The following GAS2 variants were observed in gnomAD, a reference collection of about 807,000 sequenced individuals.
The protein encoded by GAS2 is growth arrest specific 2, also known as growth arrest-specific protein 2.
In GAS2, 20 loss-of-function variants were observed where a neutral mutation model predicts 37.5. The observed-to-expected ratio is 0.53, with a 90% confidence interval of 0.37 to 0.77. The LOEUF is 0.77. Among genes scored for constraint, GAS2 ranks in the 30% least tolerant of loss-of-function variants. The pLI is 0.00. For synonymous variants in GAS2, 144 were observed against 132.2 expected (o/e 1.09, Z -0.61); for missense variants, 336 against 373.4 (o/e 0.90, Z 0.82).
intron 3 of GAS2, among the ~76,000 whole-genome samples, chr11:22,699,943 C>T (rs6483873): frequency 0.64 from 96,670 of 151,954 alleles, 34,345 homozygotes; most frequent in Non-Finnish European, 0.8. Context: ...ATGAAAGAAC[C>T]ATAGTGTCCC....
chr11:22,746,877 A>C (rs1444230290), intron 5 of GAS2, among the ~76,000 whole-genome samples: 4 of 152,172 alleles, frequency 2.6e-5, no homozygotes, highest in African/African-American at 9.7e-5. Flanking sequence ...TTAAAAAATA[A>C]AAAAATTAAG....
chr11:22,753,392 G>A (rs1254196862), intron 6 of GAS2, among the ~76,000 whole-genome samples: 1 of 152,102 alleles, frequency 6.6e-6, no homozygotes, highest in Admixed American at 6.6e-5. Flanking sequence ...TTTGAGAAGG[G>A]CAGGCCACTT....
intron 7 of GAS2, among the ~76,000 whole-genome samples, chr11:22,788,837 T>G (rs1339521777): frequency 6.6e-6 from 1 of 152,146 alleles, no homozygotes; most frequent in East Asian, 1.9e-4. Flanking sequence ...AAAATTCCAT[T>G]TTCTTCAACC....
chr11:22,777,844 C>A (rs919895088), intron 7 of GAS2, among the ~76,000 whole-genome samples: 1 of 152,118 alleles, frequency 6.6e-6, no homozygotes, highest in East Asian at 1.9e-4. Flanking sequence ...GAAGTTTAAG[C>A]CAATTAATCT....
rs141069259 is a variant in GAS2 at position 22,667,257 on chromosome 11, G to A, written c.-21+358G>A. On this transcript the variant is annotated intron_variant, in intron 1 of 7. Transcript: ENST00000454584. ...AGTGAGGATTTTTAATGAACACATCGATTATAAATGCACACATATGCATTC... is the reference window on the plus strand; with the variant it reads ...AGTGAGGATTTTTAATGAACACATCAATTATAAATGCACACATATGCATTC... 112 of 152,276 alleles carry A rather than the reference G, an allele frequency of 7.4e-4. 1 individual carries two copies. Among genetic ancestry groups the A allele is most frequent in the African/African-American group, 2.6e-3 (107 of 41,546 alleles). 9.4% of individuals were successfully genotyped at this position (152,276 alleles called of 1,614,324 possible).
chr11:22,776,398 C>T (rs559812311), intron 7 of GAS2, among the ~76,000 whole-genome samples: 1 of 152,112 alleles, frequency 6.6e-6, no homozygotes, highest in Non-Finnish European at 1.5e-5. Context: ...AGTTTGCTGA[C>T]CCCTGACATT....
intron 2 of GAS2, among the ~76,000 whole-genome samples, chr11:22,679,681 AT>A (rs1849586525): frequency 6.6e-6 from 1 of 152,088 alleles, no homozygotes; most frequent in African/African-American, 2.4e-5. Flanking sequence ...TTCAATTAAT[AT>A]TTGTCTAATG....
chr11:22,652,993 G>GTCTTTCTTCCTTTCTTTCTTTCTT (rs1848805900), intron 1 of GAS2, among the ~76,000 whole-genome samples: 1 of 97,036 alleles, frequency 1.0e-5, no homozygotes, highest in Non-Finnish European at 2.0e-5. Context: ...TTCTTTCTTT[G>GTCTTTCTTCCTTTCTTTCTTTCTT]TCTTTCTTTC....
At chr11:22,711,465 C>G (rs1310309182) in intron 3 of GAS2, among the ~76,000 whole-genome samples, 2 of 152,142 alleles carry the variant, frequency 1.3e-5, no homozygotes, top group Non-Finnish European at 1.5e-5. Context: ...CGACTGAGCA[C>G]AAACTTTCCT....
intron 3 of GAS2, among the ~76,000 whole-genome samples, chr11:22,690,655 A>G (rs1003412532): frequency 9.2e-5 from 14 of 152,200 alleles, no homozygotes; most frequent in Admixed American, 3.3e-4. Flanking sequence ...AAAAATATAA[A>G]TGAAATGAAT....
rs1158495945 is a variant in GAS2, at chr11:22,749,112, TTTTAAAGGTA to T, written c.474-6_477del. 6.2e-7 allele frequency: 1 copy of T among 1,606,214 alleles called. No individual in the cohort carries two copies. ...ATGCATATGTAATGATCCAGGGTCT[TTTTAAAGGTA>T]TGGTGTGGAGCCTCCTGGTTTGATA... On this transcript the variant is annotated splice_acceptor_variant and splice_polypyrimidine_tract_variant and coding_sequence_variant and intron_variant, in exon 6 of 8. Coordinates refer to ENST00000454584, the MANE Select transcript of GAS2 (RefSeq NM_001143830.3). LOFTEE classifies it high-confidence loss of function.
intron 3 of GAS2, among the ~76,000 whole-genome samples, chr11:22,699,681 C>T (rs552596459): frequency 1.2e-4 from 19 of 152,040 alleles, no homozygotes; most frequent in Non-Finnish European, 7.4e-5. Flanking sequence ...CTCCTCTGTG[C>T]GTTAGTTTTC....
intron 7 of GAS2, among the ~76,000 whole-genome samples, chr11:22,759,265 T>C (rs1241832509): frequency 6.6e-6 from 1 of 152,232 alleles, no homozygotes; most frequent in Non-Finnish European, 1.5e-5. Context: ...AATGTATGAA[T>C]AGATACTTCC....
intron 1 of GAS2, among the ~76,000 whole-genome samples, chr11:22,659,740 A>T (rs1848894613): frequency 1.3e-5 from 2 of 152,122 alleles, no homozygotes; most frequent in Non-Finnish European, 1.5e-5. Context: ...TTAAATATAA[A>T]ATCTTTCTAG....
At chr11:22,713,127 C>T (rs79380636) in intron 3 of GAS2, among the ~76,000 whole-genome samples, 2,167 of 147,588 alleles carry the variant, frequency 0.015, 23 homozygotes, top group Non-Finnish European at 0.021. Context: ...ATATAGGATA[C>T]AGATGAAAAA....
At chr11:22,734,981 A>G (rs1852673616) in intron 4 of GAS2, among the ~76,000 whole-genome samples, 1 of 151,772 alleles carries the variant, frequency 6.6e-6, no homozygotes, top group Non-Finnish European at 1.5e-5. Context: ...TGCTTTTGCA[A>G]TTAAACATTT....
chr11:22,758,612 T>C (rs749010446), intron 7 of GAS2, among the ~76,000 whole-genome samples: 3 of 152,076 alleles, frequency 2.0e-5, no homozygotes, highest in Non-Finnish European at 4.4e-5. Flanking sequence ...TAAGAATTGT[T>C]CCTTAGGAAG....
intron 3 of GAS2, among the ~76,000 whole-genome samples, chr11:22,689,330 A>G (rs777293284): frequency 5.8e-4 from 89 of 152,326 alleles, no homozygotes; most frequent in South Asian, 4.1e-4. Context: ...ACTGCTCAAT[A>G]CATCAAATTT....
rs186495206 is a variant in GAS2 at position 22,691,003 on chromosome 11, T to G, written c.267+5214T>G. Reference sequence around the variant, plus strand: ...TTCTACTAACTTTCCTTTGCATTTGTCTCATTTATTTTGAGTCTCTTCTTC... The same window carrying G: ...TTCTACTAACTTTCCTTTGCATTTGGCTCATTTATTTTGAGTCTCTTCTTC... On this transcript the variant is annotated intron_variant, in intron 3 of 7. Transcript: ENST00000454584. Among the ~76,000 whole-genome samples the G allele has an allele frequency of 5.0e-4, 76 of 152,278 alleles. No individual in the cohort carries two copies. The Middle Eastern group carries it at 0.02, about 41-fold the overall frequency.
Sources: gnomAD v4.1 joint callset for allele counts (sites outside exome capture counted in the v4.1 genomes callset) on GRCh38, gnomAD v4.1.1 for gene constraint, MANE v1.5 for transcripts, NCBI Gene and HGNC (gene_info 2026-07-23, HGNC 2026-07-21) for gene names.